Variants in PCTP observed in about 807,000 individuals in gnomAD.
PCTP encodes the protein phosphatidylcholine transfer protein, also known as START domain-containing protein 2.
Under a neutral mutation model 31.0 loss-of-function variants are expected in PCTP, and 27 were observed. The ratio of observed to expected loss-of-function variants is 0.87; its 90% CI spans 0.64 to 1.20. PCTP has a LOEUF of 1.20. Ranked by LOEUF, PCTP falls within the 50% of genes most tolerant of loss-of-function variation. The pLI is 0.00. For missense variants in PCTP, 287 were observed against 268.2 expected (o/e 1.07, Z -0.49); for synonymous variants, 108 against 101.2 (o/e 1.07, Z -0.40).
chr17:55,839,512 T>G (rs1905889396), intron 5 of PCTP, among the ~76,000 whole-genome samples: 1 of 152,158 alleles, frequency 6.6e-6, no homozygotes, highest in South Asian at 2.1e-4. Context: ...GGACAAGATA[T>G]CTATAGGTTT....
intron 3 of PCTP, among the ~76,000 whole-genome samples, chr17:55,788,556 T>A (rs769449674): frequency 1.3e-5 from 2 of 152,234 alleles, no homozygotes; most frequent in African/African-American, 2.4e-5. Context: ...ATGGAACTTA[T>A]GATCCAGTAT....
At position 55,751,058 on chromosome 17, in the gene PCTP, T is replaced by C; in HGVS notation, c.-46T>C. 1.4e-6 allele frequency: 2 copies of C among 1,480,148 alleles called. No homozygotes were observed. Among genetic ancestry groups the C allele is most frequent in the Non-Finnish European group, 8.9e-7 (1 of 1,118,598 alleles). 91.7% of individuals were successfully genotyped at this position (1,480,148 alleles called of 1,614,324 possible). A position where few individuals can be genotyped will look rare whatever the true frequency, so the allele number is the denominator to read the frequency against. Reference sequence around the variant, plus strand: ...CCCGCCCCCAGGCCCACACTAAGGGTGTCCGCGGCCTGCCCTCCAGGCGGA... The same window carrying C: ...CCCGCCCCCAGGCCCACACTAAGGGCGTCCGCGGCCTGCCCTCCAGGCGGA... On this transcript the variant is annotated 5_prime_UTR_variant, in exon 1 of 6. Coordinates refer to ENST00000268896, the MANE Select transcript of PCTP (RefSeq NM_021213.4).
intron 2 of PCTP, 113 bp from the exon 3 acceptor site, chr17:55,770,993 A>C: frequency 2.6e-6 from 2 of 767,920 alleles, no homozygotes; most frequent in Non-Finnish European, 4.5e-6. Context: ...TTGGCCTCAA[A>C]AAGTGCTGGG....
chr17:55,833,602 T>C (rs1388998903), intron 5 of PCTP, among the ~76,000 whole-genome samples: 1 of 152,182 alleles, frequency 6.6e-6, no homozygotes, highest in Middle Eastern at 3.2e-3. Flanking sequence ...CTGGGAATTG[T>C]TAGAAAGGCA....
chr17:55,845,888 GT>G (rs879366862), downstream of PCTP, among the ~76,000 whole-genome samples: 252 of 35,820 alleles, frequency 7.0e-3, no homozygotes, highest in African/African-American at 0.016. Context: ...GAGGGTTGGG[GT>G]GTGTGTGTGT....
chr17:55,846,361 T>C (rs1906149856), downstream of PCTP, among the ~76,000 whole-genome samples: 1 of 152,210 alleles, frequency 6.6e-6, no homozygotes, highest in Non-Finnish European at 1.5e-5. Context: ...GTACACTCCC[T>C]GCTCTAATGG....
chr17:55,852,555 T>C, the PCTP span, among the ~76,000 whole-genome samples: 2 of 152,318 alleles, frequency 1.3e-5, no homozygotes, highest in East Asian at 1.9e-4. Context: ...AGTTAATTTA[T>C]ATGTTCTCCT....
At chr17:55,754,947 G>C (rs573777515) in intron 1 of PCTP, among the ~76,000 whole-genome samples, 9 of 151,964 alleles carry the variant, frequency 5.9e-5, no homozygotes, top group Non-Finnish European at 1.3e-4. Flanking sequence ...ACACACATAT[G>C]TAAATTATAT....
intron 2 of PCTP, among the ~76,000 whole-genome samples, chr17:55,785,429 T>G (rs1911712031): frequency 6.6e-6 from 1 of 152,248 alleles, no homozygotes; most frequent in African/African-American, 2.4e-5. Context: ...TGAGACAGGC[T>G]AAGCCAGAGG....
chr17:55,844,597 C>T (rs142593108), downstream of PCTP, among the ~76,000 whole-genome samples: 1 of 151,974 alleles, frequency 6.6e-6, no homozygotes, highest in South Asian at 2.1e-4. Flanking sequence ...AAATTCATAC[C>T]GCGGACAGGC....
At chr17:55,786,999 G>A (rs1009195242) in intron 2 of PCTP, among the ~76,000 whole-genome samples, 2 of 151,696 alleles carry the variant, frequency 1.3e-5, no homozygotes, top group African/African-American at 4.9e-5. Context: ...GTGTGTATGT[G>A]TGTGCTTGTG....
intron 3 of PCTP, among the ~76,000 whole-genome samples, chr17:55,808,815 A>G (rs1244691852): frequency 1.3e-5 from 2 of 152,204 alleles, no homozygotes; most frequent in Non-Finnish European, 2.9e-5. Context: ...GCCAAAGCTA[A>G]CACTTCCTCA....
chr17:55,791,983 A>G (rs954794103), intron 3 of PCTP, among the ~76,000 whole-genome samples: 2 of 151,866 alleles, frequency 1.3e-5, no homozygotes, highest in Non-Finnish European at 2.9e-5. Flanking sequence ...GCCATAAAAA[A>G]TGATGAGTTC....
intron 3 of PCTP, among the ~76,000 whole-genome samples, chr17:55,803,948 T>G (rs1474589132): frequency 7.0e-6 from 1 of 143,592 alleles, no homozygotes; most frequent in African/African-American, 2.6e-5. Flanking sequence ...TGGGAGAAAA[T>G]TTTTGCAATC....
chr17:55,764,002 T>C (rs1910492602), intron 1 of PCTP, among the ~76,000 whole-genome samples: 1 of 152,168 alleles, frequency 6.6e-6, no homozygotes, highest in Non-Finnish European at 1.5e-5. Flanking sequence ...TAAAGGAAGT[T>C]GTCGCAATCG....
rs1909662214 is a variant in PCTP at position 55,751,053 on chromosome 17, A to C, written c.-51A>C. ...GTCACCCCGCCCCCAGGCCCACACT[A>C]AGGGTGTCCGCGGCCTGCCCTCCAG... On this transcript the variant is annotated 5_prime_UTR_variant, in exon 1 of 6. Transcript: ENST00000268896. 6.8e-7 allele frequency: 1 copy of C among 1,474,664 alleles called. No homozygotes were observed. The highest frequency in any genetic ancestry group is 1.4e-5 in the African/African-American group (1 of 69,974). 91.3% of individuals were successfully genotyped at this position (1,474,664 alleles called of 1,614,324 possible). A position where few individuals can be genotyped will look rare whatever the true frequency, so the allele number is the denominator to read the frequency against.
intron 3 of PCTP, among the ~76,000 whole-genome samples, chr17:55,794,673 T>A (rs1275036814): frequency 1.3e-5 from 2 of 151,994 alleles, no homozygotes; most frequent in Admixed American, 6.6e-5. Context: ...GTGGAACAAG[T>A]CACATAAATA....
intron 1 of PCTP, among the ~76,000 whole-genome samples, chr17:55,762,251 G>A (rs1288042777): frequency 6.6e-6 from 1 of 152,130 alleles, no homozygotes; most frequent in Non-Finnish European, 1.5e-5. Flanking sequence ...TCAACCAGTT[G>A]GGTTAACAAG....
intron 3 of PCTP, among the ~76,000 whole-genome samples, chr17:55,792,598 C>G (rs1320954717): frequency 6.6e-6 from 1 of 152,086 alleles, no homozygotes; most frequent in Admixed American, 6.6e-5. Context: ...TCAGCAGGTA[C>G]TTCTTAGAGA....
Sources: allele counts gnomAD v4.1 joint callset (sites outside exome capture counted in the v4.1 genomes callset), GRCh38; gene constraint gnomAD v4.1.1; transcripts MANE v1.5; gene names NCBI Gene and HGNC (gene_info 2026-07-23, HGNC 2026-07-21).